The following SCAPER variants were observed in gnomAD, a reference collection of about 807,000 sequenced individuals.
The protein encoded by SCAPER is S phase cyclin A-associated protein in the endoplasmic reticulum.
A neutral mutation model predicts 182.2 loss-of-function variants in SCAPER; 98 were observed. The ratio of observed to expected loss-of-function variants is 0.54; its 90% CI spans 0.46 to 0.64. The LOEUF (loss-of-function observed/expected upper bound fraction) is 0.64. Ranked by LOEUF, SCAPER falls within the 30% of genes least tolerant of loss-of-function variation. The pLI is 0.00. For synonymous variants in SCAPER, 605 were observed against 564.6 expected, an observed-to-expected ratio of 1.07 and a Z score of -1.01; for missense variants, 1,432 against 1,690.0, an observed-to-expected ratio of 0.85 and a Z score of 2.68.
intron 17 of SCAPER, among the ~76,000 whole-genome samples, chr15:76,710,073 C>T (rs887223052): frequency 3.3e-5 from 5 of 152,046 alleles, no homozygotes; most frequent in African/African-American, 7.2e-5. Context: ...AGTGAAAGAT[C>T]GAACGCTTTC....
intron 20 of SCAPER, among the ~76,000 whole-genome samples, chr15:76,670,436 CAT>C (rs1461915988): frequency 6.6e-6 from 1 of 151,940 alleles, no homozygotes; most frequent in African/African-American, 2.4e-5. Flanking sequence ...TATTGTTAGA[CAT>C]GTGGATAATT....
chr15:76,892,722 G>A (rs1413886015), intron 1 of SCAPER, among the ~76,000 whole-genome samples: 1 of 152,174 alleles, frequency 6.6e-6, no homozygotes, highest in African/African-American at 2.4e-5. Flanking sequence ...CACTGTTGGT[G>A]GGAGTGTCAA....
chr15:76,825,891 C>G (rs1324592317), intron 5 of SCAPER, among the ~76,000 whole-genome samples: 1 of 152,136 alleles, frequency 6.6e-6, no homozygotes, highest in Non-Finnish European at 1.5e-5. Flanking sequence ...ACTATAGACG[C>G]ACACCACCAC....
chr15:76,616,048 G>A (rs1206716219), intron 22 of SCAPER, among the ~76,000 whole-genome samples: 2 of 152,104 alleles, frequency 1.3e-5, no homozygotes, highest in Non-Finnish European at 1.5e-5. Flanking sequence ...TATAGCTACT[G>A]TGGAAAACAG....
chr15:76,794,729 T>G (rs2065212517), intron 8 of SCAPER, among the ~76,000 whole-genome samples: 1 of 152,180 alleles, frequency 6.6e-6, no homozygotes, highest in Admixed American at 6.5e-5. Context: ...CACTTGGGAC[T>G]TCTACATAAA....
intron 1 of SCAPER, among the ~76,000 whole-genome samples, chr15:76,895,733 A>G (rs1288116047): frequency 6.6e-6 from 1 of 152,172 alleles, no homozygotes; most frequent in African/African-American, 2.4e-5. Context: ...TGAACCATCC[A>G]AAAAAGAAAT....
At chr15:76,798,803 G>T (rs1055481120) in intron 7 of SCAPER, among the ~76,000 whole-genome samples, 25 of 152,068 alleles carry the variant, frequency 1.6e-4, no homozygotes, top group African/African-American at 4.8e-4. Flanking sequence ...CTACAAAACT[G>T]CCCTTCAAAA....
At chr15:76,399,504 T>C (rs2044307433) in intron 27 of SCAPER, among the ~76,000 whole-genome samples, 1 of 152,228 alleles carries the variant, frequency 6.6e-6, no homozygotes, top group African/African-American at 2.4e-5. Context: ...AATCATTTGT[T>C]AACAATATTA....
intron 23 of SCAPER, among the ~76,000 whole-genome samples, chr15:76,517,883 T>C (rs2144215433): frequency 6.6e-6 from 1 of 152,154 alleles, no homozygotes; most frequent in East Asian, 1.9e-4. Flanking sequence ...AGCTTTCTTA[T>C]ATTAGCATTC....
chr15:76,477,123 A>C (rs1042410251), intron 24 of SCAPER, among the ~76,000 whole-genome samples: 1 of 152,200 alleles, frequency 6.6e-6, no homozygotes, highest in Non-Finnish European at 1.5e-5. Context: ...CTGAAAAAAA[A>C]CCACTGGGCA....
intron 22 of SCAPER, among the ~76,000 whole-genome samples, chr15:76,574,538 T>C (rs957464798): frequency 6.6e-6 from 1 of 152,148 alleles, no homozygotes; most frequent in Non-Finnish European, 1.5e-5. Context: ...GCTAGAGCAA[T>C]TGATGCCTTT....
At chr15:76,527,646 G>A (rs1249634714) in intron 23 of SCAPER, among the ~76,000 whole-genome samples, 1 of 152,166 alleles carries the variant, frequency 6.6e-6, no homozygotes, top group Non-Finnish European at 1.5e-5. Context: ...GCTGTTGTAT[G>A]GGGCATTTAG....
intron 21 of SCAPER, among the ~76,000 whole-genome samples, chr15:76,663,034 T>C (rs1200124459): frequency 6.6e-6 from 1 of 152,110 alleles, no homozygotes; most frequent in Non-Finnish European, 1.5e-5. Flanking sequence ...AGCTCCAGAA[T>C]GAGAGAAAAG....
intron 15 of SCAPER, among the ~76,000 whole-genome samples, chr15:76,745,374 G>A (rs898347767): frequency 7.2e-5 from 11 of 152,222 alleles, no homozygotes; most frequent in Middle Eastern, 3.4e-3. Flanking sequence ...GCTTGAACCC[G>A]GGAGGCAGCT....
rs561394415 is a variant in SCAPER at position 76,821,248 on chromosome 15, GAATA to G, written c.394-16619_394-16616del. Among the ~76,000 whole-genome samples the G allele has an allele frequency of 1.6e-3, 239 of 152,284 alleles. 2 individuals carry two copies. The highest frequency in any genetic ancestry group is 4.8e-3 in the African/African-American group (200 of 41,570). On this transcript the variant is annotated intron_variant, in intron 5 of 31. Transcript: ENST00000563290. ...CCAAGACGTTCTTCAGTACATGAAT[GAATA>G]AACAAACTGTGGTACATCCAGAAAA...
intron 27 of SCAPER, among the ~76,000 whole-genome samples, chr15:76,402,940 A>G (rs1306059474): frequency 6.6e-6 from 1 of 152,102 alleles, no homozygotes; most frequent in Non-Finnish European, 1.5e-5. Context: ...AAGTGACTGA[A>G]TCTGCGTGTA....
chr15:76,555,023 C>T (rs1450120749), intron 23 of SCAPER, among the ~76,000 whole-genome samples: 1 of 152,072 alleles, frequency 6.6e-6, no homozygotes, highest in Non-Finnish European at 1.5e-5. Flanking sequence ...TCAAGTGATC[C>T]ATCCACCTTG....
chr15:76,537,089 C>G (rs2044235536), intron 23 of SCAPER, among the ~76,000 whole-genome samples: 1 of 152,014 alleles, frequency 6.6e-6, no homozygotes, highest in Admixed American at 6.6e-5. Flanking sequence ...AATGGAAGAA[C>G]ATTCCATGCT....
intron 2 of SCAPER, among the ~76,000 whole-genome samples, chr15:76,863,455 A>C (rs2072034701): frequency 6.6e-6 from 1 of 152,176 alleles, no homozygotes; most frequent in African/African-American, 2.4e-5. Flanking sequence ...GCATTCCTGG[A>C]ATCCTAAAGC....
Sources: allele counts gnomAD v4.1 joint callset (sites outside exome capture counted in the v4.1 genomes callset), GRCh38; gene constraint gnomAD v4.1.1; transcripts MANE v1.5; gene names NCBI Gene and HGNC (gene_info 2026-07-23, HGNC 2026-07-21).